The following NOS1 variants were observed in gnomAD, a reference collection of about 807,000 sequenced individuals.
The protein encoded by NOS1 is NOS type I.
Under a neutral mutation model 164.5 loss-of-function variants are expected in NOS1, and 51 were observed. That is an observed-to-expected ratio of 0.31 (90% CI 0.25 to 0.39). The LOEUF (loss-of-function observed/expected upper bound fraction) is 0.39. Ranked by LOEUF, NOS1 falls within the 10% of genes least tolerant of loss-of-function variation. The pLI, the probability that NOS1 is intolerant of heterozygous loss-of-function variation, is 1.00. For missense variants in NOS1, 1,362 were observed against 1,885.6 expected (o/e 0.72, Z 5.14); for synonymous variants, 719 against 745.8 (o/e 0.96, Z 0.59).
At chr12:117,279,107 G>A (rs536308177) in intron 8 of NOS1, among the ~76,000 whole-genome samples, 3 of 151,902 alleles carry the variant, frequency 2.0e-5, no homozygotes, top group Non-Finnish European at 2.9e-5. Flanking sequence ...GGCCGGGCGC[G>A]GTGGCTCACG....
intron 9 of NOS1, among the ~76,000 whole-genome samples, chr12:117,274,150 G>A (rs1872991891): frequency 6.6e-6 from 1 of 152,020 alleles, no homozygotes; most frequent in African/African-American, 2.4e-5. Flanking sequence ...TTAAAAAATG[G>A]GCACTTGCTC....
At chr12:117,217,022 G>A (rs1030445830) in intron 28 of NOS1, among the ~76,000 whole-genome samples, 8 of 152,116 alleles carry the variant, frequency 5.3e-5, no homozygotes, top group African/African-American at 1.9e-4. Flanking sequence ...GGACTGGGGC[G>A]GGGAGCACTG....
chr12:117,351,403 C>T (rs1876612347), intron 1 of NOS1, among the ~76,000 whole-genome samples: 1 of 152,216 alleles, frequency 6.6e-6, no homozygotes, highest in Admixed American at 6.5e-5. Flanking sequence ...GTGGCAACTG[C>T]TGCCCTGGTT....
At chr12:117,351,234 C>T (rs2136093850) in intron 1 of NOS1, among the ~76,000 whole-genome samples, 1 of 152,312 alleles carries the variant, frequency 6.6e-6, no homozygotes, top group East Asian at 1.9e-4. Flanking sequence ...TCTTTCTCTG[C>T]TCTCTCCCTC....
At chr12:117,257,134 G>A (rs1871525004) in intron 16 of NOS1, among the ~76,000 whole-genome samples, 1 of 151,794 alleles carries the variant, frequency 6.6e-6, no homozygotes, top group East Asian at 1.9e-4. Flanking sequence ...TCTAGGCTGG[G>A]GTGCCGTGGT....
intron 6 of NOS1, 46 bp downstream of exon 6, chr12:117,286,058 T>G (rs775707850): frequency 6.2e-7 from 1 of 1,604,654 alleles, no homozygotes; most frequent in Non-Finnish European, 8.5e-7. Flanking sequence ...CCTTCCCCTC[T>G]TCCCTCATTT....
At chr12:117,324,159 G>A (rs11068450) in intron 2 of NOS1, among the ~76,000 whole-genome samples, 10,242 of 152,086 alleles carry the variant, frequency 0.067, 994 homozygotes, top group African/African-American at 0.22. Context: ...GTGACCCTGG[G>A]TAAGTCTTTT....
At chr12:117,347,417 G>A (rs1876404413) in intron 1 of NOS1, among the ~76,000 whole-genome samples, 1 of 152,194 alleles carries the variant, frequency 6.6e-6, no homozygotes. Flanking sequence ...GTGTTCCTGA[G>A]CACACTCCAA....
At chr12:117,309,636 G>C (rs10850809) in intron 3 of NOS1, among the ~76,000 whole-genome samples, 19,136 of 152,200 alleles carry the variant, frequency 0.13, 1,475 homozygotes, top group East Asian at 0.26. Context: ...TGGCCCATCA[G>C]CTTACTGGAC....
intron 10 of NOS1, among the ~76,000 whole-genome samples, chr12:117,269,413 G>C (rs1872645126): frequency 6.6e-6 from 1 of 151,410 alleles, no homozygotes; most frequent in African/African-American, 2.4e-5. Context: ...CAAGGAGTCA[G>C]GATGTTATTC....
In NOS1 at chr12:117,297,824, C is replaced by G. The variant is rs182625704; in HGVS notation, c.853-7398G>C. Among the ~76,000 whole-genome samples the G allele has an allele frequency of 2.6e-4, 39 of 152,226 alleles. No individual in the cohort carries two copies. In the East Asian group the frequency reaches 6.4e-3, roughly 25 times the overall value. On this transcript the variant is annotated intron_variant, in intron 3 of 28. Coordinates refer to ENST00000317775, the MANE Select transcript of NOS1 (RefSeq NM_000620.5). ...AGAACACCAAGACACAGAGGCCAAG[C>G]ACCTGCCCTTCCCTAGTAGTGGCTG...
chr12:117,301,306 T>C (rs1257714559), intron 3 of NOS1, among the ~76,000 whole-genome samples: 1 of 148,150 alleles, frequency 6.7e-6, no homozygotes, highest in African/African-American at 2.4e-5. Flanking sequence ...ATTTTTTGTA[T>C]TTTTAGTAGA....
At chr12:117,239,764 T>C (rs767860401) in intron 20 of NOS1, among the ~76,000 whole-genome samples, 1 of 151,758 alleles carries the variant, frequency 6.6e-6, no homozygotes, top group Non-Finnish European at 1.5e-5. Context: ...AGCTTGAAAA[T>C]AGGTAGTGCT....
rs536340724 is a variant in NOS1, at chr12:117,226,631, G to A, written c.3704+52C>T. The A allele has an allele frequency of 5.5e-5, 85 of 1,545,026 alleles. 1 individual carries two copies. Among genetic ancestry groups the A allele is most frequent in the South Asian group, 5.5e-4 (49 of 89,300 alleles). The stretch of plus-strand genomic sequence containing the variant: ...TGGTCCACCTACCCCAACTTGTGAC[G>A]TCAATATGCAGATTTGAGATGATTG... On this transcript the variant is annotated intron_variant, in intron 24 of 28. Transcript: ENST00000317775.
rs185578162 is a variant in NOS1 at position 117,296,428 on chromosome 12, C to G, written c.853-6002G>C. ...GGGTGGGCACAATCTAATTAGCTGC[C>G]AGTGCAGCCAGAAGAATAAAAGCAC... On this transcript the variant is annotated intron_variant, in intron 3 of 28. Coordinates refer to ENST00000317775, the MANE Select transcript of NOS1 (RefSeq NM_000620.5). 9.1e-4 allele frequency among the ~76,000 whole-genome samples: 138 copies of G among 152,264 alleles called. No homozygotes were observed. The Middle Eastern group carries it at 0.014, about 15-fold the overall frequency.
At chr12:117,302,254 C>T (rs1873862516) in intron 3 of NOS1, among the ~76,000 whole-genome samples, 1 of 152,164 alleles carries the variant, frequency 6.6e-6, no homozygotes, top group Non-Finnish European at 1.5e-5. Flanking sequence ...ACTTGATGAG[C>T]CTATTAGCCC....
intron 22 of NOS1, among the ~76,000 whole-genome samples, chr12:117,231,117 C>G (rs189502486): frequency 1.4e-4 from 22 of 151,968 alleles, no homozygotes; most frequent in African/African-American, 5.3e-4. Context: ...CACCTGAGAT[C>G]GGGGTTTGAT....
chr12:117,208,282 T>TG lies in NOS1; in HGVS notation c.*7026dup. Reference sequence around the variant, plus strand: ...AGCCTGGACAACCTCGCAAAGAGCGTGGGGTGGGCGTCAGTCCTTCAAGGA... The same window carrying TG: ...AGCCTGGACAACCTCGCAAAGAGCGTGGGGGTGGGCGTCAGTCCTTCAAGGA... On this transcript the variant is annotated 3_prime_UTR_variant, in exon 29 of 29. Coordinates refer to ENST00000317775, the MANE Select transcript of NOS1 (RefSeq NM_000620.5). The TG allele has an allele frequency of 7.8e-7, 1 of 1,288,086 alleles. No homozygotes were observed. The highest frequency in any genetic ancestry group is 1.0e-6 in the Non-Finnish European group (1 of 988,184). 79.8% of individuals were successfully genotyped at this position (1,288,086 alleles called of 1,614,324 possible). A position where few individuals can be genotyped will look rare whatever the true frequency, so the allele number is the denominator to read the frequency against.
chr12:117,226,438 C>T (rs1047618990), intron 24 of NOS1, among the ~76,000 whole-genome samples: 4 of 152,102 alleles, frequency 2.6e-5, no homozygotes, highest in Non-Finnish European at 4.4e-5. Flanking sequence ...CAGCACCTAG[C>T]CCAGTACACG....
Sources: allele counts gnomAD v4.1 joint callset (sites outside exome capture counted in the v4.1 genomes callset), GRCh38; gene constraint gnomAD v4.1.1; transcripts MANE v1.5; gene names NCBI Gene and HGNC (gene_info 2026-07-23, HGNC 2026-07-21).